ZFHX4: variants seen among roughly 807,000 people sequenced by gnomAD.
The protein encoded by ZFHX4 is zinc finger homeobox protein 4.
ZFHX4 carries 56 observed loss-of-function variants against 267.6 expected under a neutral mutation model. The ratio of observed to expected loss-of-function variants is 0.21; its 90% CI spans 0.17 to 0.26. ZFHX4 has a LOEUF of 0.26. ZFHX4 is among the 10% of genes least tolerant of loss of function. The pLI is 1.00. For missense variants in ZFHX4, 4,332 were observed against 4,420.0 expected (o/e 0.98, Z 0.56); for synonymous variants, 1,778 against 1,665.6 (o/e 1.07, Z -1.64).
At chr8:76,728,948 C>G (rs905369585) in intron 3 of ZFHX4, among the ~76,000 whole-genome samples, 5 of 152,136 alleles carry the variant, frequency 3.3e-5, no homozygotes, top group African/African-American at 1.2e-4. Context: ...GACTTGACCT[C>G]CAAATAATCT....
rs534052980 is a variant in ZFHX4 at position 76,727,270 on chromosome 8, G to A, written c.3093+19222G>A. Reference sequence around the variant, plus strand: ...CTGGAAACAAAGAGCTCTTGGGGCCGCAGCCACATTTTTTTTTTCTTCCAT... The same window carrying A: ...CTGGAAACAAAGAGCTCTTGGGGCCACAGCCACATTTTTTTTTTCTTCCAT... On this transcript the variant is annotated intron_variant, in intron 3 of 10. Transcript: ENST00000651372. Among the ~76,000 whole-genome samples the A allele has an allele frequency of 6.6e-5, 10 of 152,088 alleles. No homozygotes were observed. The East Asian group carries it at 9.7e-4, about 15-fold the overall frequency.
chr8:76,729,451 A>C lies in ZFHX4; in HGVS notation c.3093+21403A>C, dbSNP rs145931191. 8.5e-5 allele frequency among the ~76,000 whole-genome samples: 13 copies of C among 152,326 alleles called. 1 individual carries two copies. Among genetic ancestry groups the C allele is most frequent in the Middle Eastern group, 3.4e-3 (1 of 294 alleles). On this transcript the variant is annotated intron_variant, in intron 3 of 10. Transcript: ENST00000651372. ...TGATTCTGCTAAATTGTTAATTAAC[A>C]AGCCTCCTTTTTACTTACTTTTTGT...
chr8:76,737,693 C>T (rs918928945), intron 3 of ZFHX4, among the ~76,000 whole-genome samples: 3 of 152,048 alleles, frequency 2.0e-5, no homozygotes, highest in African/African-American at 4.8e-5. Flanking sequence ...TTGCATAGTG[C>T]CTGGAACATA....
chr8:76,716,293 C>A (rs1442141563), intron 3 of ZFHX4, among the ~76,000 whole-genome samples: 1 of 152,066 alleles, frequency 6.6e-6, no homozygotes, highest in Non-Finnish European at 1.5e-5. Flanking sequence ...CCCATATTGA[C>A]AATTGACTTA....
At chr8:76,749,798 C>G (rs10504638) in intron 3 of ZFHX4, among the ~76,000 whole-genome samples, 40,496 of 151,988 alleles carry the variant, frequency 0.27, 7,127 homozygotes, top group African/African-American at 0.49. Context: ...TTGAGCGGAG[C>G]TAATTGCTAA....
intron 3 of ZFHX4, among the ~76,000 whole-genome samples, chr8:76,767,044 G>GT (rs1810069440): frequency 1.2e-4 from 17 of 146,934 alleles, no homozygotes; most frequent in African/African-American, 4.0e-4. Context: ...CTCATAAAGG[G>GT]GTGTGTGTGT....
intron 1 of ZFHX4, chr8:76,693,467 C>T (rs1437475413): frequency 6.6e-6 from 1 of 152,122 alleles, no homozygotes; most frequent in African/African-American, 2.4e-5. Flanking sequence ...TCCTGGGAAA[C>T]ATCACATAAC....
At chr8:76,836,499 T>C (rs1812096605) in intron 5 of ZFHX4, among the ~76,000 whole-genome samples, 1 of 152,020 alleles carries the variant, frequency 6.6e-6, no homozygotes, top group South Asian at 2.1e-4. Context: ...TCCTGGTTAA[T>C]GAAAAGGAGC....
At chr8:76,727,889 C>T (rs1256670499) in intron 3 of ZFHX4, among the ~76,000 whole-genome samples, 2 of 152,116 alleles carry the variant, frequency 1.3e-5, no homozygotes, top group African/African-American at 4.8e-5. Context: ...AGACAGCTAG[C>T]GGTAATCCCT....
intron 1 of ZFHX4, among the ~76,000 whole-genome samples, chr8:76,701,389 G>A (rs1808099509): frequency 1.3e-5 from 2 of 152,040 alleles, no homozygotes; most frequent in Admixed American, 1.3e-4. Context: ...AATTGTATGG[G>A]AGTATTGTAC....
chr8:76,778,720 T>C (rs190010191), intron 4 of ZFHX4, among the ~76,000 whole-genome samples: 1 of 152,134 alleles, frequency 6.6e-6, no homozygotes, highest in Admixed American at 6.5e-5. Context: ...CACAGTGAAA[T>C]TTTTCCCCCC....
At chr8:76,767,136 A>G (rs1810073580) in intron 3 of ZFHX4, among the ~76,000 whole-genome samples, 1 of 151,974 alleles carries the variant, frequency 6.6e-6, no homozygotes, top group African/African-American at 2.4e-5. Flanking sequence ...ACAAATTAGA[A>G]TGGCCTAAGC....
chr8:76,727,853 G>A lies in ZFHX4; in HGVS notation c.3093+19805G>A, dbSNP rs201606930. On this transcript the variant is annotated intron_variant, in intron 3 of 10. Transcript: ENST00000651372. The stretch of plus-strand genomic sequence containing the variant: ...GCCAGGATTTCAAATACAATAGAAC[G>A]TTCCTCCCCGAGGCTCAGCAGGATT... Among the ~76,000 whole-genome samples the A allele has an allele frequency of 2.6e-5, 4 of 152,078 alleles. No homozygotes were observed. In the East Asian group the frequency reaches 5.8e-4, roughly 22 times the overall value.
chr8:76,774,929 T>A (rs1363744173), intron 3 of ZFHX4, among the ~76,000 whole-genome samples: 1 of 152,184 alleles, frequency 6.6e-6, no homozygotes, highest in African/African-American at 2.4e-5. Context: ...ATATCAGTAA[T>A]AGTGGCAGCT....
At chr8:76,833,284 T>G in intron 4 of ZFHX4, 54 bp from the exon 5 acceptor site, 11 of 1,500,478 alleles carry the variant, frequency 7.3e-6, no homozygotes, top group Non-Finnish European at 1.0e-5. Flanking sequence ...TTAGCCATGA[T>G]GAGAGAGCTG....
At chr8:76,819,302 G>T (rs1251472788) in intron 4 of ZFHX4, among the ~76,000 whole-genome samples, 1 of 151,974 alleles carries the variant, frequency 6.6e-6, no homozygotes, top group Admixed American at 6.6e-5. Flanking sequence ...GCTGAATAAA[G>T]TGGAAATATT....
rs1808228942 is a variant in ZFHX4 at position 76,705,382 on chromosome 8, T to C, written c.1294T>C (p.Ser432Pro). 1.9e-6 allele frequency: 3 copies of C among 1,613,678 alleles called. No homozygotes were observed. The highest frequency in any genetic ancestry group is 2.5e-6 in the Non-Finnish European group (3 of 1,179,888). ...SVSLSHSSSE[S>P]SKMSESKDQE... ...CTCCCTCAGCCACTCATCGTCTGAG[T>C]CTAGCAAGATGTCAGAGAGCAAAGA... Residue 432 changes from serine to proline, a missense_variant, in exon 2 of 11, where the codon TCT becomes CCT. Around this residue, in one of 7 missense-constraint regions of ZFHX4, gnomAD observed 1,195 missense variants for 1,173.6 expected, o/e 1.02. Transcript: ENST00000651372.
chr8:76,759,597 A>G (rs1384174412), intron 3 of ZFHX4, among the ~76,000 whole-genome samples: 5 of 152,230 alleles, frequency 3.3e-5, no homozygotes, highest in Admixed American at 6.5e-5. Flanking sequence ...AACTGCAGCC[A>G]TCTGGAAGAG....
chr8:76,843,625 T>A (rs1812293641), intron 6 of ZFHX4, among the ~76,000 whole-genome samples: 1 of 152,168 alleles, frequency 6.6e-6, no homozygotes, highest in Non-Finnish European at 1.5e-5. Flanking sequence ...ACGCTATACC[T>A]CGTTTTATTA....
Sources: allele counts gnomAD v4.1 joint callset (sites outside exome capture counted in the v4.1 genomes callset), GRCh38; gene constraint gnomAD v4.1.1; regional missense constraint gnomAD v4.1.1; transcripts MANE v1.5; gene names NCBI Gene and HGNC (gene_info 2026-07-23, HGNC 2026-07-21).